TMEM156: variants seen among roughly 807,000 people sequenced by gnomAD.
The protein encoded by TMEM156 is transmembrane protein 156.
A neutral mutation model predicts 30.5 loss-of-function variants in TMEM156; 28 were observed. The observed-to-expected ratio is 0.92, with a 90% CI of 0.68 to 1.26. The LOEUF (loss-of-function observed/expected upper bound fraction) is 1.26, where lower values mean the gene tolerates loss of function less well. Ranked by LOEUF, TMEM156 falls within the 50% of genes most tolerant of loss-of-function variation. TMEM156 has a pLI of 0.00. For synonymous variants in TMEM156, 137 were observed against 119.9 expected (o/e 1.14, Z -0.93); for missense variants, 351 against 340.6 (o/e 1.03, Z -0.24).
intron 1 of TMEM156, among the ~76,000 whole-genome samples, chr4:39,009,695 C>T (rs932248530): frequency 6.6e-6 from 1 of 152,086 alleles, no homozygotes; most frequent in African/African-American, 2.4e-5. Flanking sequence ...TAAAATCCAA[C>T]ATTTTTTCAT....
chr4:38,989,271 G>A (rs574248716), intron 3 of TMEM156, among the ~76,000 whole-genome samples: 22 of 152,278 alleles, frequency 1.4e-4, no homozygotes, highest in East Asian at 7.7e-4. Context: ...CTGTAACTAA[G>A]GTAAGACCAC....
intron 5 of TMEM156, among the ~76,000 whole-genome samples, chr4:38,972,316 C>T (rs565456231): frequency 7.3e-4 from 93 of 126,620 alleles, no homozygotes; most frequent in African/African-American, 2.7e-3. Context: ...TGCAATGGTG[C>T]GATCTCAGCT....
In TMEM156 at chr4:38,993,927, T is replaced by G. The variant is rs1425628406; in HGVS notation, c.430A>C (p.Ser144Arg). Residue 144 changes from serine to arginine, a missense_variant, in exon 3 of 7, where the codon AGT becomes CGT. Transcript: ENST00000381938. ...FHSPCQHFNF[S>R]VAPLVDHLEE... ...AAGTGGTCAACCAGAGGAGCTACAC[T>G]GAAGTTAAAGTGCTGACAAGGTGAA... 6 of 1,614,140 alleles carry G rather than the reference T, an allele frequency of 3.7e-6. No individual in the cohort carries two copies. Among genetic ancestry groups the G allele is most frequent in the Non-Finnish European group, 5.1e-6 (6 of 1,179,994 alleles).
At chr4:38,982,044 A>G (rs1359752620) in intron 5 of TMEM156, among the ~76,000 whole-genome samples, 1 of 152,208 alleles carries the variant, frequency 6.6e-6, no homozygotes, top group Non-Finnish European at 1.5e-5. Flanking sequence ...TTAACATTTG[A>G]GTCAGTGAGT....
intron 1 of TMEM156, among the ~76,000 whole-genome samples, chr4:39,028,211 T>C (rs1167720386): frequency 6.6e-6 from 1 of 152,230 alleles, no homozygotes; most frequent in Non-Finnish European, 1.5e-5. Context: ...TCTTATCCTG[T>C]ATTGCCACAA....
chr4:39,011,250 CAG>C (rs1004436616), intron 1 of TMEM156, among the ~76,000 whole-genome samples: 1 of 152,072 alleles, frequency 6.6e-6, no homozygotes, highest in Non-Finnish European at 1.5e-5. Flanking sequence ...TAAAAAATCA[CAG>C]ACATTCACAA....
intron 1 of TMEM156, among the ~76,000 whole-genome samples, chr4:39,013,475 A>G (rs1714268128): frequency 8.0e-6 from 1 of 124,598 alleles, no homozygotes. Flanking sequence ...ATTTCGGCTC[A>G]CTGCAACTCT....
At chr4:39,021,407 A>G (rs1714858826) in intron 1 of TMEM156, among the ~76,000 whole-genome samples, 1 of 152,080 alleles carries the variant, frequency 6.6e-6, no homozygotes, top group Non-Finnish European at 1.5e-5. Context: ...AAAAAAATAA[A>G]TAAATAAAAA....
intron 5 of TMEM156, among the ~76,000 whole-genome samples, chr4:38,983,791 C>A (rs556896163): frequency 2.0e-5 from 3 of 152,194 alleles, no homozygotes; most frequent in South Asian, 4.1e-4. Context: ...TTCTACAAAG[C>A]GTGCTATGCC....
intron 1 of TMEM156, among the ~76,000 whole-genome samples, chr4:39,019,035 A>AC (rs1714692238): frequency 6.8e-6 from 1 of 147,048 alleles, no homozygotes. Flanking sequence ...AAACAAAACA[A>AC]AAAAAAAAAA....
chr4:38,980,232 T>C (rs1723112901), intron 5 of TMEM156, among the ~76,000 whole-genome samples: 1 of 151,906 alleles, frequency 6.6e-6, no homozygotes, highest in African/African-American at 2.4e-5. Context: ...GCCAATATTC[T>C]GAGACACTGA....
At chr4:39,001,635 C>T (rs2109989060) in intron 1 of TMEM156, among the ~76,000 whole-genome samples, 1 of 150,484 alleles carries the variant, frequency 6.6e-6, no homozygotes, top group East Asian at 2.0e-4. Context: ...TCAAACTATA[C>T]TACAAGGCTA....
At chr4:39,026,587 C>A (rs1234466584) in intron 1 of TMEM156, among the ~76,000 whole-genome samples, 1 of 151,892 alleles carries the variant, frequency 6.6e-6, no homozygotes, top group Non-Finnish European at 1.5e-5. Flanking sequence ...ATATTGTGTC[C>A]ATTAGTGGCC....
chr4:38,988,287 G>A (rs1210460643), intron 4 of TMEM156, among the ~76,000 whole-genome samples: 8 of 152,162 alleles, frequency 5.3e-5, no homozygotes, highest in Admixed American at 4.6e-4. Flanking sequence ...GCAGTGGCGC[G>A]ATCTCAGCTC....
intron 1 of TMEM156, among the ~76,000 whole-genome samples, chr4:38,999,841 G>T (rs748320126): frequency 4.6e-5 from 7 of 152,254 alleles, no homozygotes; most frequent in East Asian, 1.9e-4. Context: ...AGCCAAAAAG[G>T]CTAATCCAGA....
chr4:39,031,881 AAAAAAAAAATAAAAAATAAAAAAAT>A (rs1158524195), intron 1 of TMEM156, among the ~76,000 whole-genome samples: 1 of 83,640 alleles, frequency 1.2e-5, no homozygotes, highest in Non-Finnish European at 2.4e-5. Context: ...TCCATCTCAA[AAAAAAAAAATAAAAAATAAAAAAAT>A]AAAAAAAAAC....
chr4:39,013,251 A>G lies in TMEM156; in HGVS notation c.89-14342T>C, dbSNP rs572581529. On this transcript the variant is annotated intron_variant, in intron 1 of 6. Coordinates refer to ENST00000381938, the MANE Select transcript of TMEM156 (RefSeq NM_024943.3). ...GCGAGGCAGAGGCTGCAGTGAGCAG[A>G]GATCTTACCACTGCACTCGGCACTC... Among the ~76,000 whole-genome samples, 4 of 150,636 alleles carry G rather than the reference A, an allele frequency of 2.7e-5. No individual in the cohort carries two copies. In the East Asian group the frequency reaches 7.9e-4, roughly 30 times the overall value.
intron 5 of TMEM156, among the ~76,000 whole-genome samples, chr4:38,984,347 CTCTGTG>C (rs55732700): frequency 0.12 from 15,709 of 130,044 alleles, 925 homozygotes; most frequent in East Asian, 0.2. Context: ...CTCTCTCTCT[CTCTGTG>C]TGTGTGTGTG....
intron 1 of TMEM156, among the ~76,000 whole-genome samples, chr4:39,025,579 C>G (rs960463558): frequency 1.3e-5 from 2 of 152,028 alleles, no homozygotes; most frequent in South Asian, 2.1e-4. Context: ...TGGGAAAGAC[C>G]ATTTGAAATG....
Sources: allele counts gnomAD v4.1 joint callset (sites outside exome capture counted in the v4.1 genomes callset), GRCh38; gene constraint gnomAD v4.1.1; transcripts MANE v1.5; gene names NCBI Gene and HGNC (gene_info 2026-07-23, HGNC 2026-07-21).